PRDM16: variants seen among roughly 807,000 people sequenced by gnomAD.
PRDM16 encodes the protein PR/SET domain 16, also known as histone-lysine N-methyltransferase PRDM16.
In PRDM16, 23 loss-of-function variants were observed where a neutral mutation model predicts 110.6. The ratio of observed to expected loss-of-function variants is 0.21; its 90% CI spans 0.15 to 0.29. PRDM16 has a LOEUF of 0.29. Ranked by LOEUF, PRDM16 falls within the 10% of genes least tolerant of loss-of-function variation. PRDM16 has a pLI of 1.00. For synonymous variants in PRDM16, 799 were observed against 781.8 expected (o/e 1.02, Z -0.37); for missense variants, 1,615 against 1,794.3 (o/e 0.90, Z 1.81).
chr1:3,385,841 G>A (rs1317750271), intron 4 of PRDM16, among the ~76,000 whole-genome samples: 1 of 152,220 alleles, frequency 6.6e-6, no homozygotes, highest in Admixed American at 6.5e-5. Flanking sequence ...CCAGGCAAGA[G>A]ATACCTTCAC....
chr1:3,413,520 A>G (rs1433573657), intron 9 of PRDM16, among the ~76,000 whole-genome samples: 1 of 151,344 alleles, frequency 6.6e-6, no homozygotes, highest in Non-Finnish European at 1.5e-5. Flanking sequence ...GAGCAGGGCT[A>G]GGCTTGGGGA....
intron 3 of PRDM16, among the ~76,000 whole-genome samples, chr1:3,327,664 G>A (rs573380897): frequency 7.5e-6 from 1 of 132,646 alleles, no homozygotes; most frequent in Admixed American, 7.5e-5. Flanking sequence ...TGGCAGGGAT[G>A]GGCACAGTGG....
intron 5 of PRDM16, among the ~76,000 whole-genome samples, chr1:3,401,310 TC>T (rs1014862457): frequency 6.6e-5 from 10 of 152,044 alleles, no homozygotes; most frequent in African/African-American, 1.2e-4. Flanking sequence ...TCTGCCCCCA[TC>T]CCCCCGTCTC....
chr1:3,324,852 C>T (rs1003456846), intron 3 of PRDM16, among the ~76,000 whole-genome samples: 1 of 152,116 alleles, frequency 6.6e-6, no homozygotes, highest in Non-Finnish European at 1.5e-5. Context: ...ATCTGACCCT[C>T]CCTTGTGCTG....
At chr1:3,422,693 G>C (rs967247178) in intron 12 of PRDM16, among the ~76,000 whole-genome samples, 1 of 152,242 alleles carries the variant, frequency 6.6e-6, no homozygotes, top group Non-Finnish European at 1.5e-5. Context: ...CGTCGGGTAG[G>C]GGGGCACCCA....
intron 12 of PRDM16, among the ~76,000 whole-genome samples, chr1:3,420,293 G>A (rs1233175406): frequency 6.6e-6 from 1 of 152,190 alleles, no homozygotes; most frequent in African/African-American, 2.4e-5. Flanking sequence ...GACTGGCTTT[G>A]ATAATCAGAA....
chr1:3,186,090 T>A, intron 1 of PRDM16, 35 bp from the exon 2 acceptor site: 1 of 1,548,366 alleles, frequency 6.5e-7, no homozygotes, highest in Non-Finnish European at 8.9e-7. Flanking sequence ...GTGGGGCACG[T>A]GCTGCAGAGG....
intron 1 of PRDM16, 103 bp from the exon 2 acceptor site, chr1:3,186,022 C>A: frequency 1.0e-6 from 1 of 985,882 alleles, no homozygotes; most frequent in Non-Finnish European, 1.6e-6. Flanking sequence ...GGCCCCTGAG[C>A]ACCCTCGGTG....
chr1:3,142,925 A>G (rs1643580289), intron 1 of PRDM16, among the ~76,000 whole-genome samples: 1 of 152,216 alleles, frequency 6.6e-6, no homozygotes, highest in Non-Finnish European at 1.5e-5. Flanking sequence ...CACCACATCA[A>G]CTGCCCCCTG....
intron 1 of PRDM16, among the ~76,000 whole-genome samples, chr1:3,156,960 G>T (rs1452372298): frequency 6.6e-6 from 1 of 152,236 alleles, no homozygotes. Context: ...CAGGACGGAG[G>T]GTGCTGTAGG....
chr1:3,195,758 C>G (rs183797774), intron 2 of PRDM16, among the ~76,000 whole-genome samples: 4 of 152,146 alleles, frequency 2.6e-5, no homozygotes. Context: ...CAGCCTCCCC[C>G]TAGGTCCCCC....
At chr1:3,428,840 A>G (rs1268411592) in intron 14 of PRDM16, among the ~76,000 whole-genome samples, 2 of 152,246 alleles carry the variant, frequency 1.3e-5, no homozygotes, top group Admixed American at 6.5e-5. Flanking sequence ...GGGATTAAGC[A>G]GAGGCCACAC....
intron 2 of PRDM16, among the ~76,000 whole-genome samples, chr1:3,227,431 C>T (rs1639313268): frequency 1.3e-5 from 2 of 152,246 alleles, no homozygotes; most frequent in Admixed American, 6.5e-5. Context: ...CACGGGCCTC[C>T]GTCAACTCAG....
rs1430845689 is a variant in PRDM16, at chr1:3,339,101, C to A, written c.439-46051C>A. Among the ~76,000 whole-genome samples, 1 of 152,188 alleles carries A rather than the reference C, an allele frequency of 6.6e-6. No individual in the cohort carries two copies. Among genetic ancestry groups the A allele is most frequent in the Non-Finnish European group, 1.5e-5 (1 of 68,032 alleles). On this transcript the variant is annotated intron_variant, in intron 3 of 16. Coordinates refer to ENST00000270722, the MANE Select transcript of PRDM16 (RefSeq NM_022114.4). This position sits in a 1 kb window ranked among gnomAD's most constrained non-coding sequence, Gnocchi z 5.0. ...CGATGGGGAGCTTCCGTGCACTCCCCTCTCTGGCCTCCCCATGTCCCGCCT... is the reference window on the plus strand; with the variant it reads ...CGATGGGGAGCTTCCGTGCACTCCCATCTCTGGCCTCCCCATGTCCCGCCT...
intron 1 of PRDM16, among the ~76,000 whole-genome samples, chr1:3,138,100 T>C (rs1301412032): frequency 1.3e-5 from 2 of 152,202 alleles, no homozygotes; most frequent in Non-Finnish European, 2.9e-5. Flanking sequence ...GCCCAACTTG[T>C]CGTTCTTGGG....
Position 3,433,380 on chromosome 1 carries a change from C to T in PRDM16, c.3697-297C>T, listed in dbSNP as rs553139488. On this transcript the variant is annotated intron_variant, in intron 16 of 16. Transcript: ENST00000270722. ...GCAAGGTTGAGCCAGGCCAGGGCCA[C>T]GGGAGGCTGGGAACGGACGAGGCTT... Among the ~76,000 whole-genome samples the T allele has an allele frequency of 6.6e-5, 10 of 152,368 alleles. No individual in the cohort carries two copies. In the South Asian group the frequency reaches 1.7e-3, roughly 25 times the overall value.
chr1:3,237,520 A>G (rs1639564728), intron 2 of PRDM16, among the ~76,000 whole-genome samples: 1 of 152,254 alleles, frequency 6.6e-6, no homozygotes, highest in Middle Eastern at 3.4e-3. Context: ...CTGTTTCCGT[A>G]TTTTTTAAAT....
At chr1:3,083,190 G>A (rs1005589498) in intron 1 of PRDM16, among the ~76,000 whole-genome samples, 1 of 152,198 alleles carries the variant, frequency 6.6e-6, no homozygotes, top group Non-Finnish European at 1.5e-5. Flanking sequence ...CGTCTCGTCC[G>A]AGACCACTGG....
At position 3,426,099 on chromosome 1, in the gene PRDM16, C is replaced by T. The variant is rs770646516; in HGVS notation, c.3158C>T (p.Ser1053Phe). ...ACGAACCACCTGGGGACCAGCGCGTCCTCTCCCACCTCAGAGTCGGACAAC... is the reference window on the plus strand; with the variant it reads ...ACGAACCACCTGGGGACCAGCGCGTTCTCTCCCACCTCAGAGTCGGACAAC... The part of the protein sequence containing the change: ...VLTNHLGTSA[S>F]SPTSESDNHA... The change falls in exon 14 of 17, where the codon TCC (serine) becomes TTC (phenylalanine). Residue 1053 changes from serine (S) to phenylalanine (F), a missense_variant. Ser to Phe is a radical substitution (Grantham distance 155). This residue lies in a region of PRDM16 where 327 missense variants were observed against 359.3 expected (regional missense o/e 0.91). Coordinates refer to ENST00000270722, the MANE Select transcript of PRDM16 (RefSeq NM_022114.4). 1.2e-6 allele frequency: 2 copies of T among 1,613,908 alleles called. No individual in the cohort carries two copies. The highest frequency in any genetic ancestry group is 8.5e-7 in the Non-Finnish European group (1 of 1,179,954).
Sources: gnomAD v4.1 joint callset for allele counts (sites outside exome capture counted in the v4.1 genomes callset) on GRCh38, gnomAD v4.1.1 for gene constraint, gnomAD v4.1.1 regional missense constraint, Gnocchi (gnomAD v3.1) non-coding constraint, MANE v1.5 for transcripts, NCBI Gene and HGNC (gene_info 2026-07-23, HGNC 2026-07-21) for gene names.